WFS1: variants seen among roughly 807,000 people sequenced by gnomAD.
WFS1 encodes wolframin.
WFS1 carries 90 observed loss-of-function variants against 68.5 expected under a neutral mutation model. That is an observed-to-expected ratio of 1.31 (90% CI 1.11 to 1.56). The LOEUF is 1.56. WFS1 is among the 40% of genes most tolerant of loss of function. WFS1 has a pLI of 0.00. For missense variants in WFS1, 1,767 were observed against 1,232.6 expected (o/e 1.43, Z -6.49); for synonymous variants, 860 against 540.7 (o/e 1.59, Z -8.19).
At chr4:6,298,631 T>C (rs1730720480) in intron 7 of WFS1, among the ~76,000 whole-genome samples, 1 of 151,934 alleles carries the variant, frequency 6.6e-6, no homozygotes, top group South Asian at 2.1e-4. Flanking sequence ...TGTGGAAGGC[T>C]CAGTCTGTGT....
chr4:6,278,049 C>G (rs1439062245), intron 2 of WFS1, among the ~76,000 whole-genome samples: 1 of 152,254 alleles, frequency 6.6e-6, no homozygotes, highest in Non-Finnish European at 1.5e-5. Context: ...GTGACAGCCA[C>G]ACTCTCGGGA....
rs1475231066 is a variant in WFS1, at chr4:6,277,517, C to T, written c.62C>T (p.Pro21Leu). 2 of 1,583,586 alleles carry T rather than the reference C, an allele frequency of 1.3e-6. No homozygotes were observed. Among genetic ancestry groups the T allele is most frequent in the African/African-American group, 1.3e-5 (1 of 74,466 alleles). The change falls in exon 2 of 8, where the codon CCC (proline) becomes CTC (leucine). Residue 21 changes from proline to leucine, a missense_variant. Pro to Leu is a moderately conservative substitution (Grantham distance 98). Transcript: ENST00000226760. ...SCPQPPPAPQ[P>L]QARSRLNATA... ...CCACAGCCCCCGCCAGCACCGCAGC[C>T]CCAGGCGCGTTCCCGACTCAATGCC...
At position 6,302,154 on chromosome 4, in the gene WFS1, G is replaced by C. The variant is rs571946670; in HGVS notation, c.2359G>C (p.Ala787Pro). 3.7e-6 allele frequency: 6 copies of C among 1,612,958 alleles called. No individual in the cohort carries two copies. The highest frequency in any genetic ancestry group is 5.1e-6 in the Non-Finnish European group (6 of 1,179,998). Residue 787 changes from alanine (A) to proline (P), a missense_variant, in exon 8 of 8, where the codon GCT becomes CCT. Ala to Pro is a conservative substitution (Grantham distance 27). Transcript: ENST00000226760. ...CGTGGGCATGCCATTCAGCAGCGGC[G>C]CTGACGGCTCGCGCAGCCGCGAGGA... ...ITVGMPFSSG[A>P]DGSRSREEDD... is the part of the protein sequence containing the mutation.
At position 6,277,404 on chromosome 4, in the gene WFS1, C is replaced by A. The variant is rs1021986750; in HGVS notation, c.-5-47C>A. On this transcript the variant is annotated intron_variant, in intron 1 of 7. Coordinates refer to ENST00000226760, the MANE Select transcript of WFS1 (RefSeq NM_006005.3). ...CTCCAGCAGACACTAAGTGCCAGAG[C>A]GGGCTCTGCCGGTGCTGGATGTGCC... 3.9e-6 allele frequency: 6 copies of A among 1,522,832 alleles called. No homozygotes were observed. In the African/African-American group the frequency reaches 5.5e-5, roughly 14 times the overall value. 94.3% of individuals were successfully genotyped at this position (1,522,832 alleles called of 1,614,324 possible).
chr4:6,301,871 C>G lies in WFS1; in HGVS notation c.2076C>G (p.His692Gln). Reference protein sequence around the residue: ...NMARTQILCSHLEGHRVTWTG... With the variant: ...NMARTQILCSQLEGHRVTWTG... ...CGCGCACCCAGATCCTCTGCAGCCA[C>G]CTGGAGGGCCACAGGGTCACGTGGA... is the stretch of plus-strand genomic sequence containing the variant. Residue 692 changes from histidine (H) to glutamine (Q), a missense_variant, in exon 8 of 8, where the codon CAC becomes CAG. Physicochemically the swap from His to Gln is conservative, Grantham distance 24 (BLOSUM62 0). Transcript: ENST00000226760. 6.2e-7 allele frequency: 1 copy of G among 1,612,936 alleles called. No homozygotes were observed. Among genetic ancestry groups the G allele is most frequent in the Non-Finnish European group, 8.5e-7 (1 of 1,179,830 alleles).
Position 6,284,661 on chromosome 4 carries a change from A to G in WFS1, c.233-2432A>G, listed in dbSNP as rs564357083. ...GTCTCCTGGGGAAGTGGGGGAGGGA[A>G]GAGAAAGCCTCCTCTTGTGAACAGC... On this transcript the variant is annotated intron_variant, in intron 2 of 7. Transcript: ENST00000226760. 2.1e-4 allele frequency among the ~76,000 whole-genome samples: 32 copies of G among 152,010 alleles called. No homozygotes were observed. The East Asian group carries it at 6.0e-3, about 29-fold the overall frequency.
chr4:6,280,639 TGTCATC>T (rs1730134288), intron 2 of WFS1, among the ~76,000 whole-genome samples: 2 of 152,178 alleles, frequency 1.3e-5, no homozygotes, highest in African/African-American at 4.8e-5. Context: ...AAGCAGACTG[TGTCATC>T]GTCTCAGCTT....
At chr4:6,275,637 C>A in intron 1 of WFS1, among the ~76,000 whole-genome samples, 2 of 150,920 alleles carry the variant, frequency 1.3e-5, no homozygotes, top group South Asian at 2.1e-4. Flanking sequence ...ATGGTTTGCA[C>A]CTGGGGGATG....
In WFS1 at chr4:6,300,877, C is replaced by T. The variant is rs781575919; in HGVS notation, c.1082C>T (p.Thr361Ile). The T allele has an allele frequency of 8.7e-6, 14 of 1,614,020 alleles. No individual in the cohort carries two copies. The Admixed American group carries it at 1.2e-4, about 13-fold the overall frequency. Residue 361 changes from threonine (T) to isoleucine (I), a missense_variant, in exon 8 of 8, where the codon ACC (threonine) becomes ATC (isoleucine). By Grantham distance (89) the Thr-to-Ile change is moderately conservative (BLOSUM62 -1). Transcript: ENST00000226760. Reference sequence around the variant, plus strand: ...TCCTTCATCTCCATGGTGATCTGCACCCTCAAGGTGTTCCAGGACAGCAAG... The same window carrying T: ...TCCTTCATCTCCATGGTGATCTGCATCCTCAAGGTGTTCCAGGACAGCAAG... ...YLSFISMVIC[T>I]LKVFQDSKAW...
chr4:6,292,053 C>G, intron 6 of WFS1, 56 bp downstream of exon 6: 1 of 1,503,324 alleles, frequency 6.7e-7, no homozygotes, highest in African/African-American at 1.4e-5. Context: ...ACCTGCAGGG[C>G]GACCTCTCCT....
chr4:6,290,349 C>T (rs1165503234), intron 4 of WFS1, among the ~76,000 whole-genome samples: 2 of 152,254 alleles, frequency 1.3e-5, no homozygotes, highest in East Asian at 1.9e-4. Flanking sequence ...TTCTCACCAA[C>T]CCAGCCTGCT....
In WFS1 at chr4:6,301,237, T is replaced by A; in HGVS notation, c.1442T>A (p.Leu481Gln). 1.2e-6 allele frequency: 2 copies of A among 1,611,640 alleles called. No homozygotes were observed. The highest frequency in any genetic ancestry group is 1.7e-6 in the Non-Finnish European group (2 of 1,180,034). ...LPSMPLNWPYLKVLGQTFITV... is the reference protein window; with the variant it reads ...LPSMPLNWPYQKVLGQTFITV... ...TCCATGCCCTTGAATTGGCCCTACC[T>A]GAAGGTCCTTGGCCAGACCTTCATC... Residue 481 changes from leucine (L) to glutamine (Q), a missense_variant, in exon 8 of 8, where the codon CTG becomes CAG. Leu to Gln is a moderately radical substitution (Grantham distance 113). Transcript: ENST00000226760.
chr4:6,299,472 G>C lies in WFS1; in HGVS notation c.862-1185G>C, dbSNP rs187482646. 3.5e-4 allele frequency among the ~76,000 whole-genome samples: 52 copies of C among 147,398 alleles called. No individual in the cohort carries two copies. In the East Asian group the frequency reaches 9.1e-3, roughly 26 times the overall value. ...TGGGTGTGCATGTGTGAGGGTGCAC[G>C]TGTGGGGGTGGGTGTGCACGTGTGT... On this transcript the variant is annotated intron_variant, in intron 7 of 7. Transcript: ENST00000226760.
rs71524370 is a variant in WFS1, at chr4:6,292,179, G to A, written c.712+182G>A. Among the ~76,000 whole-genome samples, 2,394 of 152,304 alleles carry A rather than the reference G, an allele frequency of 0.016. 54 individuals carry two copies. The highest frequency in any genetic ancestry group is 0.055 in the African/African-American group (2,269 of 41,558). On this transcript the variant is annotated intron_variant, in intron 6 of 7. Coordinates refer to ENST00000226760, the MANE Select transcript of WFS1 (RefSeq NM_006005.3). ...TCCTGGCCCTGCTAGGATCTCAGGCGGTCCGTTTGGGGCTCAGTGTTCTGG... is the reference window on the plus strand; with the variant it reads ...TCCTGGCCCTGCTAGGATCTCAGGCAGTCCGTTTGGGGCTCAGTGTTCTGG...
Position 6,302,497 on chromosome 4 carries a change from G to A in WFS1, c.*29G>A. The A allele has an allele frequency of 6.2e-7, 1 of 1,611,160 alleles. No homozygotes were observed. The highest frequency in any genetic ancestry group is 8.5e-7 in the Non-Finnish European group (1 of 1,179,898). On this transcript the variant is annotated 3_prime_UTR_variant, in exon 8 of 8. Coordinates refer to ENST00000226760, the MANE Select transcript of WFS1 (RefSeq NM_006005.3). ...TGGTCCGCCACGAGGAGCTTCCAGT[G>A]CATGTTGCCATGAGGCCTTTCCCCA...
Position 6,300,999 on chromosome 4 carries a change from C to CT in WFS1, c.1205dup (p.Glu403GlyfsTer140), listed in dbSNP as rs1560418544. ...CGAGGTCAACTTCGGCTGGAACCACCTGGAGCCCTATGCCCATTTCCTGCT... is the reference window on the plus strand; with the variant it reads ...CGAGGTCAACTTCGGCTGGAACCACCTTGGAGCCCTATGCCCATTTCCTGCT... On this transcript the variant is annotated frameshift_variant, in exon 8 of 8. Coordinates refer to ENST00000226760, the MANE Select transcript of WFS1 (RefSeq NM_006005.3). LOFTEE classifies it high-confidence loss of function. The CT allele has an allele frequency of 6.2e-7, 1 of 1,614,034 alleles. No homozygotes were observed. The highest frequency in any genetic ancestry group is 2.2e-5 in the East Asian group (1 of 44,868).
Position 6,291,305 on chromosome 4 carries a change from A to G in WFS1, c.569A>G (p.Lys190Arg). Residue 190 changes from lysine to arginine, a missense_variant, in exon 5 of 8, where the codon AAG (lysine) becomes AGG (arginine). Lys to Arg is a conservative substitution (Grantham distance 26). Coordinates refer to ENST00000226760, the MANE Select transcript of WFS1 (RefSeq NM_006005.3). ...GTCATGTACTGGAAGCTCAACCCCA[A>G]GAAGAAGAAGCAGGTGGCCGTGGCG... is the stretch of plus-strand genomic sequence containing the variant. ...ALVMYWKLNP[K>R]KKKQVAVAEL... The G allele has an allele frequency of 1.2e-6, 2 of 1,613,188 alleles. No individual in the cohort carries two copies. Among genetic ancestry groups the G allele is most frequent in the Non-Finnish European group, 1.7e-6 (2 of 1,179,942 alleles).
At position 6,302,562 on chromosome 4, in the gene WFS1, G is replaced by T. The variant is rs1044411871; in HGVS notation, c.*94G>T. ...CGACAGGCATGCACCAGTGCCGCCT[G>T]TGCCCACGTGTGCAGACTGTGGCTG... On this transcript the variant is annotated 3_prime_UTR_variant, in exon 8 of 8. Coordinates refer to ENST00000226760, the MANE Select transcript of WFS1 (RefSeq NM_006005.3). The T allele has an allele frequency of 1.9e-6, 3 of 1,549,202 alleles. No homozygotes were observed. The South Asian group carries it at 3.5e-5, about 18-fold the overall frequency.
At chr4:6,295,238 C>T (rs754016225) in intron 7 of WFS1, 49 bp downstream of exon 7, 20 of 1,606,824 alleles carry the variant, frequency 1.2e-5, no homozygotes, top group Non-Finnish European at 1.5e-5. Flanking sequence ...CCCAAGGACT[C>T]GCGCACCTCA....
Sources: allele counts gnomAD v4.1 joint callset (sites outside exome capture counted in the v4.1 genomes callset), GRCh38; gene constraint gnomAD v4.1.1; transcripts MANE v1.5; gene names NCBI Gene and HGNC (gene_info 2026-07-23, HGNC 2026-07-21).